Variants in PAPPA2 observed in about 807,000 individuals in gnomAD.
PAPPA2 encodes pappalysin 2.
PAPPA2 carries 86 observed loss-of-function variants against 176.4 expected under a neutral mutation model. The observed-to-expected ratio is 0.49, with a 90% CI of 0.41 to 0.58. PAPPA2 has a LOEUF of 0.58. Among genes scored for constraint, PAPPA2 ranks in the 20% least tolerant of loss-of-function variants. The probability of loss-of-function intolerance (pLI) is 0.00; values close to 1 mark genes in which losing one functional copy is unlikely to be tolerated. For synonymous variants in PAPPA2, 809 were observed against 852.2 expected (o/e 0.95, Z 0.88); for missense variants, 2,073 against 2,256.9 (o/e 0.92, Z 1.65).
chr1:176,640,622 C>T (rs1291349548), intron 3 of PAPPA2, among the ~76,000 whole-genome samples: 1 of 152,002 alleles, frequency 6.6e-6, no homozygotes, highest in Non-Finnish European at 1.5e-5. Context: ...CAAGTCTTTG[C>T]TCTTGTGAAT....
chr1:176,523,300 T>C (rs1434266306), intron 1 of PAPPA2, among the ~76,000 whole-genome samples: 1 of 152,242 alleles, frequency 6.6e-6, no homozygotes, highest in Non-Finnish European at 1.5e-5. Context: ...AAGTCTGTTC[T>C]CTAATCTGGC....
intron 2 of PAPPA2, among the ~76,000 whole-genome samples, chr1:176,576,216 T>C (rs912551028): frequency 1.3e-5 from 2 of 152,188 alleles, no homozygotes; most frequent in African/African-American, 4.8e-5. Context: ...TGTGCCCTTT[T>C]CCCCAGTGTT....
At position 176,670,999 on chromosome 1, in the gene PAPPA2, A is replaced by T. The variant is rs1558509096; in HGVS notation, c.2021A>T (p.Glu674Val). The change falls in exon 4 of 23, where the codon GAG (glutamate) becomes GTG (valine). Residue 674 changes from glutamate (E) to valine (V), a missense_variant. Glu to Val is a moderately radical substitution (Grantham distance 121). Transcript: ENST00000367662. ...TACATGAGTGTGAAGGAGCTGAAGGAGGCCCTGCAGCTGAACAGTACTCAC... is the reference window on the plus strand; with the variant it reads ...TACATGAGTGTGAAGGAGCTGAAGGTGGCCCTGCAGCTGAACAGTACTCAC... Reference protein sequence around the residue: ...RAYMSVKELKEALQLNSTHFL... With the variant: ...RAYMSVKELKVALQLNSTHFL... 1 of 1,613,886 alleles carries T rather than the reference A, an allele frequency of 6.2e-7. No individual in the cohort carries two copies. The highest frequency in any genetic ancestry group is 8.5e-7 in the Non-Finnish European group (1 of 1,179,844).
chr1:176,717,226 G>A (rs1012461614), intron 12 of PAPPA2, among the ~76,000 whole-genome samples: 1 of 152,138 alleles, frequency 6.6e-6, no homozygotes, highest in Non-Finnish European at 1.5e-5. Flanking sequence ...GGATCTGGTT[G>A]AAACAGCCTA....
At chr1:176,531,103 G>T (rs1035955001) in intron 1 of PAPPA2, among the ~76,000 whole-genome samples, 3 of 152,162 alleles carry the variant, frequency 2.0e-5, no homozygotes, top group African/African-American at 7.2e-5. Flanking sequence ...AATTTGTATT[G>T]AATTATTTGC....
chr1:176,594,310 G>A (rs1653823763), intron 2 of PAPPA2, among the ~76,000 whole-genome samples: 1 of 152,228 alleles, frequency 6.6e-6, no homozygotes, highest in Non-Finnish European at 1.5e-5. Context: ...AACTTGGGTG[G>A]AATCTCAAAT....
chr1:176,510,716 A>G (rs1648549556), intron 1 of PAPPA2, among the ~76,000 whole-genome samples: 1 of 151,938 alleles, frequency 6.6e-6, no homozygotes, highest in South Asian at 2.1e-4. Context: ...AATGGGAAGG[A>G]GAAAATGGAA....
intron 11 of PAPPA2, 33 bp downstream of exon 11, chr1:176,710,209 G>A: frequency 1.3e-6 from 2 of 1,587,650 alleles, no homozygotes; most frequent in Non-Finnish European, 1.7e-6. Context: ...AGTCGAGCCT[G>A]CGCAAAATTG....
intron 17 of PAPPA2, among the ~76,000 whole-genome samples, chr1:176,775,586 A>G (rs890537726): frequency 2.0e-5 from 3 of 152,174 alleles, no homozygotes; most frequent in Non-Finnish European, 4.4e-5. Flanking sequence ...GCTCACCAGA[A>G]CAATGCTTCT....
At chr1:176,547,101 T>C (rs1650678192) in intron 1 of PAPPA2, among the ~76,000 whole-genome samples, 1 of 152,190 alleles carries the variant, frequency 6.6e-6, no homozygotes, top group African/African-American at 2.4e-5. Flanking sequence ...CACTATACAA[T>C]GAAGTTGCCA....
Position 176,690,275 on chromosome 1 carries a change from A to C in PAPPA2, c.2276A>C (p.Lys759Thr). 6.2e-7 allele frequency: 1 copy of C among 1,614,134 alleles called. No homozygotes were observed. The highest frequency in any genetic ancestry group is 8.5e-7 in the Non-Finnish European group (1 of 1,180,010). The change falls in exon 5 of 23, where the codon AAG becomes ACG. Residue 759 changes from lysine (K) to threonine (T), a missense_variant. Physicochemically the swap from Lys to Thr is moderately conservative, Grantham distance 78. This residue lies in a region of PAPPA2 where 1,196 missense variants were observed against 1,330.4 expected (regional missense o/e 0.90). Coordinates refer to ENST00000367662, the MANE Select transcript of PAPPA2 (RefSeq NM_020318.3). The part of the protein sequence containing the change: ...SERESCNDPC[K>T]ETVPSMETGD... The stretch of plus-strand genomic sequence containing the variant: ...AGAGAATCCTGCAATGACCCCTGCA[A>C]GGAGACAGTGCCATCCATGGAAACG...
Position 176,710,103 on chromosome 1 carries a change from C to A in PAPPA2, c.3578C>A (p.Thr1193Asn), listed in dbSNP as rs753833345. 2 of 1,613,854 alleles carry A rather than the reference C, an allele frequency of 1.2e-6. No homozygotes were observed. The highest frequency in any genetic ancestry group is 1.7e-6 in the Non-Finnish European group (2 of 1,179,834). ...AAAGGATACTTGGATCAATGGGCTA[C>A]CCGGGCTTACTCCTCTCATGAAGAC... ...TPKGYLDQWATRAYSSHEDKK... is the reference protein window; with the variant it reads ...TPKGYLDQWANRAYSSHEDKK... The change falls in exon 11 of 23, where the codon ACC (threonine) becomes AAC (asparagine). Residue 1193 changes from threonine to asparagine, a missense_variant. Around this residue, in one of 4 missense-constraint regions of PAPPA2, gnomAD observed 846 missense variants for 857.9 expected, o/e 0.99. Coordinates refer to ENST00000367662, the MANE Select transcript of PAPPA2 (RefSeq NM_020318.3).
chr1:176,513,966 T>C (rs899809387), intron 1 of PAPPA2, among the ~76,000 whole-genome samples: 2 of 152,184 alleles, frequency 1.3e-5, no homozygotes, highest in African/African-American at 4.8e-5. Flanking sequence ...AGGGCTCTCA[T>C]ACATGCCATC....
intron 3 of PAPPA2, among the ~76,000 whole-genome samples, chr1:176,607,564 A>T (rs1003265401): frequency 1.3e-5 from 2 of 152,160 alleles, no homozygotes; most frequent in Non-Finnish European, 2.9e-5. Context: ...GCTGAATATT[A>T]TTCCATCGTG....
At chr1:176,656,683 CCT>C (rs773952055) in intron 3 of PAPPA2, among the ~76,000 whole-genome samples, 15 of 151,730 alleles carry the variant, frequency 9.9e-5, no homozygotes, top group Non-Finnish European at 2.1e-4. Context: ...TTCTCTTAAA[CCT>C]CTTTCCTCAA....
intron 21 of PAPPA2, among the ~76,000 whole-genome samples, chr1:176,822,993 C>A (rs1021058292): frequency 6.6e-6 from 1 of 152,158 alleles, no homozygotes; most frequent in Non-Finnish European, 1.5e-5. Context: ...TTATTCAAAG[C>A]CAATAGGGCA....
intron 1 of PAPPA2, among the ~76,000 whole-genome samples, chr1:176,552,946 T>C (rs1202389911): frequency 6.6e-6 from 1 of 152,012 alleles, no homozygotes; most frequent in East Asian, 1.9e-4. Flanking sequence ...GTAGGGGACT[T>C]GGGGTGTGGG....
intron 1 of PAPPA2, among the ~76,000 whole-genome samples, chr1:176,495,468 A>T (rs1443173104): frequency 6.7e-6 from 1 of 149,726 alleles, no homozygotes; most frequent in Non-Finnish European, 1.5e-5. Flanking sequence ...TGAACCCGGG[A>T]GGTGGAGGTT....
chr1:176,579,567 C>A (rs1383299151), intron 2 of PAPPA2, among the ~76,000 whole-genome samples: 1 of 152,180 alleles, frequency 6.6e-6, no homozygotes, highest in Non-Finnish European at 1.5e-5. Context: ...TGAGTCAGAT[C>A]CCAGTCATCT....
Sources: allele counts gnomAD v4.1 joint callset (sites outside exome capture counted in the v4.1 genomes callset), GRCh38; gene constraint gnomAD v4.1.1; regional missense constraint gnomAD v4.1.1; transcripts MANE v1.5; gene names NCBI Gene and HGNC (gene_info 2026-07-23, HGNC 2026-07-21).